RASAL1: variants seen among roughly 807,000 people sequenced by gnomAD.
The protein encoded by RASAL1 is rasGAP-activating-like protein 1.
A neutral mutation model predicts 96.6 loss-of-function variants in RASAL1; 72 were observed. That is an observed-to-expected ratio of 0.75 (90% CI 0.62 to 0.91). The LOEUF is 0.91. Ranked by LOEUF, RASAL1 falls within the 40% of genes least tolerant of loss-of-function variation. RASAL1 has a pLI of 0.00. For missense variants in RASAL1, 1,016 were observed against 1,072.5 expected (o/e 0.95, Z 0.74); for synonymous variants, 405 against 430.4 (o/e 0.94, Z 0.73).
chr12:113,104,389 C>T, intron 16 of RASAL1, 91 bp from the exon 17 acceptor site: 1 of 1,302,022 alleles, frequency 7.7e-7, no homozygotes, highest in East Asian at 2.6e-5. Flanking sequence ...CAGGTGGAGT[C>T]AGTTCCCAGC....
rs1257603272 is a variant in RASAL1, at chr12:113,108,162, G to A, written c.1435C>T (p.Leu479Phe). The stretch of plus-strand genomic sequence containing the variant: ...CGAAGGTCAAACAGCTTTGGGGTAA[G>A]GATGGCAGGTGCGAAGAATCGCAAG... ...LFLRFFAPAI[L>F]TPKLFDLRDQ... Residue 479 changes from leucine to phenylalanine, a missense_variant, in exon 14 of 21, where the codon CTT becomes TTT. Coordinates refer to ENST00000548055, the MANE Select transcript of RASAL1 (RefSeq NM_001301202.2). 11 of 1,613,820 alleles carry A rather than the reference G, an allele frequency of 6.8e-6. No individual in the cohort carries two copies. Among genetic ancestry groups the A allele is most frequent in the Non-Finnish European group, 7.6e-6 (9 of 1,179,882 alleles).
At chr12:113,121,659 C>A in intron 4 of RASAL1, 21 bp from the exon 5 acceptor site, 1 of 1,613,900 alleles carries the variant, frequency 6.2e-7, no homozygotes, top group Non-Finnish European at 8.5e-7. Flanking sequence ...CAGGCACTAA[C>A]ATTTATGAAG....
intron 13 of RASAL1, among the ~76,000 whole-genome samples, chr12:113,108,490 C>T (rs1201013326): frequency 3.9e-5 from 6 of 152,178 alleles, no homozygotes; most frequent in Non-Finnish European, 8.8e-5. Flanking sequence ...ATGCCAAGAG[C>T]ACAGCCCTAA....
intron 5 of RASAL1, 34 bp from the exon 6 acceptor site, chr12:113,119,477 C>A (rs770691333): frequency 1.3e-6 from 2 of 1,571,916 alleles, no homozygotes; most frequent in Non-Finnish European, 1.7e-6. Context: ...TGAGGAAACA[C>A]GGCACCCAAG....
At position 113,104,184 on chromosome 12, in the gene RASAL1, G is replaced by C. The variant is rs1257038325; in HGVS notation, c.1945C>G (p.His649Asp). 6.2e-7 allele frequency: 1 copy of C among 1,611,612 alleles called. No homozygotes were observed. Among genetic ancestry groups the C allele is most frequent in the South Asian group, 1.1e-5 (1 of 90,804 alleles). The change falls in exon 17 of 21, where the codon CAC becomes GAC. Residue 649 changes from histidine (H) to aspartate (D), a missense_variant. His to Asp is a moderately conservative substitution (Grantham distance 81, BLOSUM62 -1). Coordinates refer to ENST00000548055, the MANE Select transcript of RASAL1 (RefSeq NM_001301202.2). ...ACCTTGCACTGGAGGTAGGTGGTGT[G>C]CAGCGCCCCCGTGCCGTCCTGCGTC... Reference protein sequence around the residue: ...VVTQDGTGALHTTYLQCKNVN... With the variant: ...VVTQDGTGALDTTYLQCKNVN...
intron 18 of RASAL1, 60 bp downstream of exon 18, chr12:113,103,886 G>C: frequency 2.6e-6 from 4 of 1,539,048 alleles, no homozygotes; most frequent in Non-Finnish European, 3.5e-6. Context: ...GGCGGAAGTG[G>C]GACACCCGCT....
Position 113,107,244 on chromosome 12 carries a change from G to A in RASAL1, c.1513-3C>T. On this transcript the variant is annotated splice_region_variant and splice_polypyrimidine_tract_variant and intron_variant, in intron 14 of 20. Transcript: ENST00000548055. ...AGGTTTCCAATGCTCTGCACAGCCTGGAGCAAAGAAGCGAGGGATGCCGGG... is the reference window on the plus strand; with the variant it reads ...AGGTTTCCAATGCTCTGCACAGCCTAGAGCAAAGAAGCGAGGGATGCCGGG... The A allele has an allele frequency of 6.3e-7, 1 of 1,593,874 alleles. No homozygotes were observed. The highest frequency in any genetic ancestry group is 1.1e-5 in the South Asian group (1 of 88,120).
At chr12:113,108,837 C>CTTT (rs56395319) in intron 13 of RASAL1, among the ~76,000 whole-genome samples, 1 of 121,594 alleles carries the variant, frequency 8.2e-6, no homozygotes, top group Non-Finnish European at 1.7e-5. Flanking sequence ...TTTTTTCTTT[C>CTTT]TTTTTTTTTT....
Position 113,114,590 on chromosome 12 carries a change from C to T in RASAL1, c.1181+210G>A, listed in dbSNP as rs140062325. Among the ~76,000 whole-genome samples, 687 of 152,306 alleles carry T rather than the reference C, an allele frequency of 4.5e-3. 2 individuals carry two copies. The highest frequency in any genetic ancestry group is 8.7e-3 in the South Asian group (42 of 4,830). On this transcript the variant is annotated intron_variant, in intron 12 of 20. Coordinates refer to ENST00000548055, the MANE Select transcript of RASAL1 (RefSeq NM_001301202.2). ...GCAAAGCTAAGATTTGAACCCAGGG[C>T]GCTTAGCATCAGAGTCCTGACCATA...
intron 13 of RASAL1, among the ~76,000 whole-genome samples, chr12:113,109,377 TG>T (rs1950778723): frequency 6.6e-6 from 1 of 152,192 alleles, no homozygotes; most frequent in South Asian, 2.1e-4. Flanking sequence ...CCCAGTCTGA[TG>T]GGCTCCAGAG....
Position 113,130,992 on chromosome 12 carries a change from A to G in RASAL1, c.66-51T>C, listed in dbSNP as rs7976407. 0.11 allele frequency: 155,122 copies of G among 1,440,484 alleles called. 10,189 individuals are homozygous for G. The highest frequency in any genetic ancestry group is 0.23 in the East Asian group (10,278 of 43,960). The allele number at this position is 1,440,484 out of a possible 1,614,324, so 89.2% of individuals were successfully genotyped here. On this transcript the variant is annotated intron_variant, in intron 1 of 20. Transcript: ENST00000548055. The surrounding 1 kb of genome is among the most constrained non-coding windows in gnomAD (Gnocchi z 5.1). ...GAAGCAGGTTGAGAGGGCAGCCATG[A>G]GTGGAGGGTCCCAGTCATGACACAG...
At chr12:113,132,235 A>C (rs1411207719) in intron 1 of RASAL1, among the ~76,000 whole-genome samples, 5 of 151,850 alleles carry the variant, frequency 3.3e-5, no homozygotes, top group Non-Finnish European at 7.4e-5. Context: ...GGCCTCCCAA[A>C]GTGTTGGGAT....
In RASAL1 at chr12:113,099,842, AAGG is replaced by A; in HGVS notation, c.*84_*86del. On this transcript the variant is annotated 3_prime_UTR_variant, in exon 21 of 21. Coordinates refer to ENST00000548055, the MANE Select transcript of RASAL1 (RefSeq NM_001301202.2). ...CCAAACCACAGAATCAAAGAGGTCC[AAGG>A]AGACAGGAGACTCCCGGGGCAGGAT... 2.0e-6 allele frequency: 3 copies of A among 1,514,708 alleles called. No individual in the cohort carries two copies. In the South Asian group the frequency reaches 3.9e-5, roughly 20 times the overall value. 93.8% of individuals were successfully genotyped at this position (1,514,708 alleles called of 1,614,324 possible).
intron 12 of RASAL1, among the ~76,000 whole-genome samples, chr12:113,112,816 G>C (rs919107335): frequency 6.6e-6 from 1 of 152,154 alleles, no homozygotes; most frequent in African/African-American, 2.4e-5. Context: ...GCCCAGCGTG[G>C]TGGTGCACGC....
At chr12:113,128,305 C>T in intron 2 of RASAL1, 127 bp from the exon 3 acceptor site, 1 of 640,282 alleles carries the variant, frequency 1.6e-6, no homozygotes, top group Non-Finnish European at 2.7e-6. Context: ...CACACACACT[C>T]AGAGACCCCC....
At chr12:113,118,581 G>C (rs1284865) in intron 7 of RASAL1, among the ~76,000 whole-genome samples, 117,820 of 152,114 alleles carry the variant, frequency 0.77, 45,724 homozygotes, top group Admixed American at 0.83. Context: ...GGAAATGCCA[G>C]GCTGTCTCCA....
At chr12:113,101,832 TG>T in intron 19 of RASAL1, 56 bp downstream of exon 19, 1 of 1,579,584 alleles carries the variant, frequency 6.3e-7, no homozygotes, top group Non-Finnish European at 8.6e-7. Context: ...AAGGCCACGG[TG>T]GGGGGCTGGC....
intron 4 of RASAL1, among the ~76,000 whole-genome samples, chr12:113,125,667 G>A (rs1366884417): frequency 1.3e-5 from 2 of 152,198 alleles, no homozygotes; most frequent in Non-Finnish European, 2.9e-5. Flanking sequence ...TGAGTGAACT[G>A]CTACCTCTTC....
chr12:113,125,281 T>C (rs1951439082), intron 4 of RASAL1, among the ~76,000 whole-genome samples: 1 of 152,006 alleles, frequency 6.6e-6, no homozygotes. Context: ...AAAAAGAAAT[T>C]TTATACATGA....
Sources: gnomAD v4.1 joint callset for allele counts (sites outside exome capture counted in the v4.1 genomes callset) on GRCh38, gnomAD v4.1.1 for gene constraint, Gnocchi (gnomAD v3.1) non-coding constraint, MANE v1.5 for transcripts, NCBI Gene and HGNC (gene_info 2026-07-23, HGNC 2026-07-21) for gene names.